Variants in AP2B1 observed in about 807,000 individuals in gnomAD.
AP2B1 encodes the protein AP-2 complex subunit beta.
In AP2B1, 23 loss-of-function variants were observed where a neutral mutation model predicts 102.0. The ratio of observed to expected loss-of-function variants is 0.23; its 90% CI spans 0.16 to 0.32. AP2B1 has a LOEUF of 0.32. Among genes scored for constraint, AP2B1 ranks in the 10% least tolerant of loss-of-function variants. The pLI, the probability that AP2B1 is intolerant of heterozygous loss-of-function variation, is 1.00. For missense variants in AP2B1, 541 were observed against 1,157.4 expected, an observed-to-expected ratio of 0.47 and a Z score of 7.73; for synonymous variants, 381 against 421.2, an observed-to-expected ratio of 0.90 and a Z score of 1.17.
chr17:35,621,341 A>G (rs997889032), intron 5 of AP2B1: 1 of 985,398 alleles, frequency 1.0e-6, no homozygotes, highest in Non-Finnish European at 1.2e-6. Context: ...CTTACGGACC[A>G]GGAAAACTGA....
Position 35,674,263 on chromosome 17 carries a change from T to C in AP2B1, c.2266T>C (p.Phe756Leu). Residue 756 changes from phenylalanine to leucine, a missense_variant, in exon 17 of 22, where the codon TTC (phenylalanine) becomes CTC (leucine). Around this residue, in one of 10 missense-constraint regions of AP2B1, gnomAD observed 62 missense variants for 87.6 expected, o/e 0.71. Transcript: ENST00000610402. ...RQGHIYMEMN[F>L]TNKALQHMTD... The stretch of plus-strand genomic sequence containing the variant: ...AGGGCACATCTATATGGAAATGAAC[T>C]TCACCAATAAAGCTCTGCAGCACAT... 2 of 1,614,216 alleles carry C rather than the reference T, an allele frequency of 1.2e-6. No individual in the cohort carries two copies.
intron 9 of AP2B1, among the ~76,000 whole-genome samples, chr17:35,636,084 G>A (rs2074600439): frequency 6.6e-6 from 1 of 151,776 alleles, no homozygotes; most frequent in African/African-American, 2.4e-5. Context: ...TTTTTCAGAT[G>A]TTTATACATC....
chr17:35,608,286 G>T lies in AP2B1; in HGVS notation c.424G>T (p.Ala142Ser). Residue 142 changes from alanine to serine, a missense_variant, in exon 5 of 22, where the codon GCA becomes TCA. Physicochemically the swap from Ala to Ser is moderately conservative, Grantham distance 99. Coordinates refer to ENST00000610402, the MANE Select transcript of AP2B1 (RefSeq NM_001030006.2). ...DEDPYVRKTAAVCVAKLHDIN... is the reference protein window; with the variant it reads ...DEDPYVRKTASVCVAKLHDIN... Reference sequence around the variant, plus strand: ...GGATCCCTATGTTCGGAAAACAGCAGCAGTCTGCGTGGCAAAACTCCATGA... The same window carrying T: ...GGATCCCTATGTTCGGAAAACAGCATCAGTCTGCGTGGCAAAACTCCATGA... 1.2e-6 allele frequency: 2 copies of T among 1,614,216 alleles called. No homozygotes were observed. Among genetic ancestry groups the T allele is most frequent in the Non-Finnish European group, 1.7e-6 (2 of 1,180,046 alleles).
chr17:35,651,371 T>C (rs1277584674), intron 13 of AP2B1, among the ~76,000 whole-genome samples: 1 of 152,206 alleles, frequency 6.6e-6, no homozygotes, highest in Admixed American at 6.5e-5. Flanking sequence ...GAAATTGTTA[T>C]GAAAAGGCTC....
chr17:35,657,668 CT>C lies in AP2B1; in HGVS notation c.1867del (p.Ser623LeufsTer6). ...ACCTGGAACAGCCTCAGGTTATCCC[CT>C]CTCAAGGTGATCTTCTAGGGGATCT... ...TNLEQPQVIP[S>X]QGDLLGDLLN... On this transcript the variant is annotated frameshift_variant, in exon 14 of 22. Coordinates refer to ENST00000610402, the MANE Select transcript of AP2B1 (RefSeq NM_001030006.2). LOFTEE classifies it high-confidence loss of function. 1 of 1,614,180 alleles carries C rather than the reference CT, an allele frequency of 6.2e-7. No individual in the cohort carries two copies. The highest frequency in any genetic ancestry group is 8.5e-7 in the Non-Finnish European group (1 of 1,180,020).
At chr17:35,662,229 A>C (rs1487510302) in intron 14 of AP2B1, among the ~76,000 whole-genome samples, 6 of 152,206 alleles carry the variant, frequency 3.9e-5, no homozygotes, top group Admixed American at 3.9e-4. Context: ...GACTTGGATA[A>C]AAATGGATTT....
intron 9 of AP2B1, among the ~76,000 whole-genome samples, chr17:35,631,171 G>A (rs1176051005): frequency 6.6e-6 from 1 of 152,116 alleles, no homozygotes; most frequent in East Asian, 1.9e-4. Flanking sequence ...GTCCTTTTCA[G>A]TTTTAAAAAG....
Position 35,593,988 on chromosome 17 carries a change from ATTC to A in AP2B1, c.-23-17_-23-15del, listed in dbSNP as rs775557667. ...GGATATCTATAACCTGAATGAAGGA[ATTC>A]TTTTCTCTTGCTATAGGTGCACATT... On this transcript the variant is annotated splice_polypyrimidine_tract_variant and intron_variant, in intron 1 of 21. Transcript: ENST00000610402. The A allele has an allele frequency of 6.9e-7, 1 of 1,443,752 alleles. No homozygotes were observed. Among genetic ancestry groups the A allele is most frequent in the South Asian group, 1.3e-5 (1 of 75,952 alleles). The allele number at this position is 1,443,752 out of a possible 1,614,324, so 89.4% of individuals were successfully genotyped here.
In AP2B1 at chr17:35,639,628, C is replaced by T; in HGVS notation, c.1305C>T (p.Asn435=). Residue 435 remains asparagine, a synonymous_variant, in exon 11 of 22, where the codon AAC becomes AAT. Coordinates refer to ENST00000610402, the MANE Select transcript of AP2B1 (RefSeq NM_001030006.2). ...GTATCATCGCCACTCTGTGTGAGAA[C>T]TTAGACTCGCTGGATGAGCCAGATG... The part of the protein sequence containing the change: ...YESIIATLCE[N]LDSLDEPDAR... 8.7e-6 allele frequency: 14 copies of T among 1,613,812 alleles called. No individual in the cohort carries two copies. The highest frequency in any genetic ancestry group is 1.2e-5 in the Non-Finnish European group (14 of 1,179,912).
intron 14 of AP2B1, among the ~76,000 whole-genome samples, chr17:35,665,126 CTTTTT>C (rs10635426): frequency 5.2e-5 from 6 of 116,286 alleles, no homozygotes; most frequent in African/African-American, 3.3e-5. Context: ...TTTGGAATAG[CTTTTT>C]TTTTTTTTTT....
In AP2B1 at chr17:35,657,604, A is replaced by ACTTTTATG; in HGVS notation, c.1802_1803insCTTTTATG (p.Ala602PhefsTer30). 6.2e-7 allele frequency: 1 copy of ACTTTTATG among 1,612,850 alleles called. No homozygotes were observed. Among genetic ancestry groups the ACTTTTATG allele is most frequent in the Non-Finnish European group, 8.5e-7 (1 of 1,179,148 alleles). ...TTATGTGTATGTGACTTTAGCACTG[A>ACTTTTATG]TGCAGGTGACAGCCCTGTTGGCACT... On this transcript the variant is annotated frameshift_variant, in exon 14 of 22. Coordinates refer to ENST00000610402, the MANE Select transcript of AP2B1 (RefSeq NM_001030006.2). LOFTEE classifies it high-confidence loss of function.
At chr17:35,675,599 G>A in intron 17 of AP2B1, among the ~76,000 whole-genome samples, 1 of 151,518 alleles carries the variant, frequency 6.6e-6, no homozygotes, top group East Asian at 1.9e-4. Context: ...TGCAGATGCA[G>A]AGTCTGCATT....
intron 9 of AP2B1, among the ~76,000 whole-genome samples, chr17:35,631,403 T>C (rs225260): frequency 0.86 from 131,580 of 152,218 alleles, 57,282 homozygotes; most frequent in African/African-American, 0.97. Context: ...TACCCCGCTT[T>C]CCCCATCTTC....
At chr17:35,625,659 A>T (rs1459186613) in intron 6 of AP2B1, among the ~76,000 whole-genome samples, 2 of 151,334 alleles carry the variant, frequency 1.3e-5, no homozygotes, top group Non-Finnish European at 2.9e-5. Flanking sequence ...AGATAATATA[A>T]TATATAATAT....
rs976678080 is a variant in AP2B1, at chr17:35,639,617, C to T, written c.1294C>T (p.Leu432=). The T allele has an allele frequency of 6.2e-7, 1 of 1,612,966 alleles. No individual in the cohort carries two copies. The highest frequency in any genetic ancestry group is 8.5e-7 in the Non-Finnish European group (1 of 1,179,706). ...CAGGTATGAAAGTATCATCGCCACT[C>T]TGTGTGAGAACTTAGACTCGCTGGA... The part of the protein sequence containing the change: ...PNKYESIIAT[L]CENLDSLDEP... The change falls in exon 11 of 22, where the codon CTG becomes TTG. Residue 432 remains leucine, a synonymous_variant. Transcript: ENST00000610402.
intron 5 of AP2B1, among the ~76,000 whole-genome samples, chr17:35,616,219 C>T (rs75607724): frequency 0.029 from 3,389 of 116,152 alleles, 121 homozygotes; most frequent in East Asian, 0.23. Flanking sequence ...GGCTGGAGTG[C>T]AGTGGCGCGA....
At chr17:35,703,055 G>T (rs1386599435) in intron 18 of AP2B1, among the ~76,000 whole-genome samples, 2 of 151,580 alleles carry the variant, frequency 1.3e-5, no homozygotes, top group African/African-American at 4.9e-5. Flanking sequence ...GGTGGATCAT[G>T]AGGTCAGGAG....
intron 6 of AP2B1, among the ~76,000 whole-genome samples, chr17:35,625,662 T>C (rs1176683782): frequency 1.3e-5 from 2 of 151,318 alleles, no homozygotes; most frequent in African/African-American, 2.4e-5. Context: ...TAATATAATA[T>C]ATAATATGTA....
intron 18 of AP2B1, among the ~76,000 whole-genome samples, chr17:35,701,967 A>C (rs755382723): frequency 6.6e-6 from 1 of 152,254 alleles, no homozygotes; most frequent in Non-Finnish European, 1.5e-5. Context: ...AAGTGAGGTC[A>C]GAAACTTTGT....
Sources: gnomAD v4.1 joint callset for allele counts (sites outside exome capture counted in the v4.1 genomes callset) on GRCh38, gnomAD v4.1.1 for gene constraint, gnomAD v4.1.1 regional missense constraint, MANE v1.5 for transcripts, NCBI Gene and HGNC (gene_info 2026-07-23, HGNC 2026-07-21) for gene names.